The following ADARB1 variants were observed in gnomAD, a reference collection of about 807,000 sequenced individuals.
The protein encoded by ADARB1 is adenosine deaminase RNA specific B1.
Under a neutral mutation model 52.4 loss-of-function variants are expected in ADARB1, and 10 were observed. The ratio of observed to expected loss-of-function variants is 0.19; its 90% CI spans 0.12 to 0.32. The LOEUF is 0.32. Among genes scored for constraint, ADARB1 ranks in the 10% least tolerant of loss-of-function variants. The probability of loss-of-function intolerance (pLI) is 1.00; values close to 1 mark genes in which losing one functional copy is unlikely to be tolerated. For missense variants in ADARB1, 643 were observed against 922.3 expected, an observed-to-expected ratio of 0.70 and a Z score of 3.92; for synonymous variants, 349 against 371.1, an observed-to-expected ratio of 0.94 and a Z score of 0.68.
chr21:45,153,150 T>G (rs1379035319), intron 2 of ADARB1, among the ~76,000 whole-genome samples: 1 of 152,176 alleles, frequency 6.6e-6, no homozygotes, highest in Admixed American at 6.5e-5. Flanking sequence ...ATTTCCCCTT[T>G]AAAAGAATGG....
chr21:45,165,250 T>G (rs1181586237), intron 2 of ADARB1, among the ~76,000 whole-genome samples: 3 of 110,466 alleles, frequency 2.7e-5, no homozygotes, highest in African/African-American at 3.0e-5. Flanking sequence ...CTGTGCAAGG[T>G]GCCCTAACTG....
intron 1 of ADARB1, among the ~76,000 whole-genome samples, chr21:45,123,955 G>A (rs1250232002): frequency 6.6e-6 from 1 of 152,176 alleles, no homozygotes; most frequent in East Asian, 1.9e-4. Flanking sequence ...TACCATGTAA[G>A]AATGCATCCC....
At chr21:45,188,240 G>T (rs1273337483) in intron 8 of ADARB1, among the ~76,000 whole-genome samples, 2 of 152,056 alleles carry the variant, frequency 1.3e-5, no homozygotes, top group African/African-American at 4.8e-5. Flanking sequence ...CCGAGTAGCT[G>T]GGATTACAGG....
chr21:45,109,185 ATATGTG>A (rs2087400623), intron 1 of ADARB1, among the ~76,000 whole-genome samples: 3 of 105,744 alleles, frequency 2.8e-5, no homozygotes, highest in African/African-American at 1.1e-4. Context: ...GCGTGTGCGT[ATATGTG>A]TGTGCACGTG....
At chr21:45,099,123 A>G (rs769056058) in intron 1 of ADARB1, among the ~76,000 whole-genome samples, 3 of 152,210 alleles carry the variant, frequency 2.0e-5, no homozygotes, top group Admixed American at 6.5e-5. Context: ...GCCGTGGATC[A>G]TAGCCTGAAT....
chr21:45,160,235 A>T (rs1031836914), intron 2 of ADARB1, among the ~76,000 whole-genome samples: 3 of 152,196 alleles, frequency 2.0e-5, no homozygotes, highest in African/African-American at 7.2e-5. Flanking sequence ...TAACTGAAGG[A>T]ATTAACCTCC....
chr21:45,222,119 C>A lies in ADARB1; in HGVS notation c.2028C>A (p.Phe676Leu). The A allele has an allele frequency of 6.2e-7, 1 of 1,612,716 alleles. No homozygotes were observed. The highest frequency in any genetic ancestry group is 8.5e-7 in the Non-Finnish European group (1 of 1,179,594). Residue 676 changes from phenylalanine to leucine, a missense_variant, in exon 11 of 11, where the codon TTC (phenylalanine) becomes TTA (leucine). Phe to Leu is a conservative substitution (Grantham distance 22). This residue lies in a region of ADARB1 where 263 missense variants were observed against 475.8 expected (regional missense o/e 0.55). Transcript: ENST00000348831. The part of the protein sequence containing the change: ...KEYQAAKARL[F>L]TAFIKAGLGA... ...ACCAGGCCGCCAAGGCGCGTCTGTT[C>A]ACAGCCTTCATCAAGGCGGGGCTGG...
intron 1 of ADARB1, among the ~76,000 whole-genome samples, chr21:45,122,724 T>C (rs1316625662): frequency 6.6e-6 from 1 of 152,208 alleles, no homozygotes; most frequent in Admixed American, 6.5e-5. Flanking sequence ...TTTCGCAGGA[T>C]GGCTCAAGGC....
chr21:45,204,856 C>T lies in ADARB1; in HGVS notation c.1747+120C>T, dbSNP rs2092635307. ...GTGGCTATCAAAAGAACATCAGAGT[C>T]CTTCTAAAGAGACCCAAGGTGATGT... On this transcript the variant is annotated intron_variant, in intron 9 of 10. Coordinates refer to ENST00000348831, the MANE Select transcript of ADARB1 (RefSeq NM_001112.4). This position sits in a 1 kb window ranked among gnomAD's most constrained non-coding sequence, Gnocchi z 4.4. 5 of 1,121,364 alleles carry T rather than the reference C, an allele frequency of 4.5e-6. No individual in the cohort carries two copies. In the East Asian group the frequency reaches 1.3e-4, roughly 29 times the overall value. The allele number at this position is 1,121,364 out of a possible 1,614,324, so 69.5% of individuals were successfully genotyped here.
intron 2 of ADARB1, among the ~76,000 whole-genome samples, chr21:45,153,433 C>T (rs924811703): frequency 5.3e-5 from 8 of 151,902 alleles, no homozygotes; most frequent in African/African-American, 1.7e-4. Flanking sequence ...TGAACACAGG[C>T]GTGATCAGTG....
intron 2 of ADARB1, among the ~76,000 whole-genome samples, chr21:45,140,467 G>A (rs539974024): frequency 3.1e-4 from 47 of 152,294 alleles, no homozygotes; most frequent in African/African-American, 1.1e-3. Flanking sequence ...GCTTCTGGGT[G>A]GCTCCTGGCT....
intron 1 of ADARB1, among the ~76,000 whole-genome samples, chr21:45,101,435 C>T (rs1255087918): frequency 1.3e-5 from 2 of 152,190 alleles, no homozygotes; most frequent in African/African-American, 2.4e-5. Context: ...TTTCGCGGCA[C>T]GTGGGAAAAA....
At chr21:45,109,291 C>A (rs959400906) in intron 1 of ADARB1, among the ~76,000 whole-genome samples, 1 of 146,680 alleles carries the variant, frequency 6.8e-6, no homozygotes, top group African/African-American at 2.5e-5. Context: ...CGCGCTTGTG[C>A]ATATATGTGT....
intron 2 of ADARB1, among the ~76,000 whole-genome samples, chr21:45,154,766 G>A (rs1053154136): frequency 3.3e-5 from 5 of 152,132 alleles, no homozygotes; most frequent in Non-Finnish European, 1.5e-5. Flanking sequence ...TTAAATACTG[G>A]CCAGAGTCCC....
intron 2 of ADARB1, among the ~76,000 whole-genome samples, chr21:45,147,414 C>T (rs1045521648): frequency 2.0e-5 from 3 of 152,154 alleles, no homozygotes; most frequent in African/African-American, 4.8e-5. Context: ...ACTGTGCATC[C>T]GTATTTAACA....
intron 1 of ADARB1, among the ~76,000 whole-genome samples, chr21:45,106,505 G>T (rs2087264876): frequency 6.6e-6 from 1 of 152,192 alleles, no homozygotes; most frequent in Non-Finnish European, 1.5e-5. Flanking sequence ...AAACCCACGA[G>T]AACTCTGGGG....
chr21:45,167,259 G>A (rs2146086071), intron 2 of ADARB1, among the ~76,000 whole-genome samples: 1 of 152,324 alleles, frequency 6.6e-6, no homozygotes, highest in East Asian at 1.9e-4. Context: ...AAAACAAAGT[G>A]AACTGTATGA....
chr21:45,122,839 CT>C (rs1569032410), intron 1 of ADARB1, among the ~76,000 whole-genome samples: 1 of 152,214 alleles, frequency 6.6e-6, no homozygotes, highest in South Asian at 2.1e-4. Flanking sequence ...CTCAGTCTCT[CT>C]TTTTTGTGTG....
At chr21:45,075,070 T>TGCGCC (rs1262009206) in intron 1 of ADARB1, among the ~76,000 whole-genome samples, 10 of 149,016 alleles carry the variant, frequency 6.7e-5, no homozygotes, top group Admixed American at 2.7e-4. Context: ...CCGCGTGGGA[T>TGCGCC]GCGCCGCGCT....
Sources: gnomAD v4.1 joint callset for allele counts (sites outside exome capture counted in the v4.1 genomes callset) on GRCh38, gnomAD v4.1.1 for gene constraint, gnomAD v4.1.1 regional missense constraint, Gnocchi (gnomAD v3.1) non-coding constraint, MANE v1.5 for transcripts, NCBI Gene and HGNC (gene_info 2026-07-23, HGNC 2026-07-21) for gene names.